The following CTNNA3 variants were observed in gnomAD, a reference collection of about 807,000 sequenced individuals.
CTNNA3 encodes catenin alpha 3, also known as catenin alpha-3.
CTNNA3 carries 76 observed loss-of-function variants against 95.7 expected under a neutral mutation model. That is an observed-to-expected ratio of 0.79 (90% CI 0.66 to 0.96). The LOEUF is 0.96. Ranked by LOEUF, CTNNA3 falls within the 40% of genes least tolerant of loss-of-function variation. The pLI is 0.00. For synonymous variants in CTNNA3, 431 were observed against 374.4 expected (o/e 1.15, Z -1.74); for missense variants, 1,191 against 1,089.8 (o/e 1.09, Z -1.31).
At chr10:66,080,942 G>T (rs933794275) in intron 14 of CTNNA3, among the ~76,000 whole-genome samples, 1 of 152,160 alleles carries the variant, frequency 6.6e-6, no homozygotes, top group Non-Finnish European at 1.5e-5. Flanking sequence ...ATTATATTTT[G>T]TTAAATTGGC....
intron 7 of CTNNA3, among the ~76,000 whole-genome samples, chr10:67,146,119 A>G (rs1860831197): frequency 6.6e-6 from 1 of 152,146 alleles, no homozygotes; most frequent in Admixed American, 6.6e-5. Flanking sequence ...CACACTCATC[A>G]GATACTTTCT....
intron 11 of CTNNA3, among the ~76,000 whole-genome samples, chr10:66,408,312 A>T (rs2132585815): frequency 6.6e-6 from 1 of 152,194 alleles, no homozygotes; most frequent in East Asian, 1.9e-4. Context: ...TACAATTCTT[A>T]TTTTCCAAAT....
At chr10:67,509,733 T>C (rs974667941) in intron 5 of CTNNA3, among the ~76,000 whole-genome samples, 2 of 152,226 alleles carry the variant, frequency 1.3e-5, no homozygotes, top group Admixed American at 6.5e-5. Flanking sequence ...GATCAAATGG[T>C]ATTTCTGCTT....
chr10:67,344,033 A>G (rs894645204), intron 5 of CTNNA3, among the ~76,000 whole-genome samples: 1 of 151,024 alleles, frequency 6.6e-6, no homozygotes, highest in Non-Finnish European at 1.5e-5. Flanking sequence ...TAGGGTTTTT[A>G]TCATGAAAGG....
chr10:65,993,192 T>C (rs945371661), intron 15 of CTNNA3, among the ~76,000 whole-genome samples: 4 of 152,202 alleles, frequency 2.6e-5, no homozygotes, highest in Admixed American at 6.5e-5. Context: ...GTCTATGTGG[T>C]TATGGGAAAA....
chr10:67,055,948 G>A (rs950915554), intron 7 of CTNNA3, among the ~76,000 whole-genome samples: 4 of 152,056 alleles, frequency 2.6e-5, no homozygotes, highest in Non-Finnish European at 5.9e-5. Context: ...TATTTACACT[G>A]ATGATAATGT....
At chr10:67,601,294 G>T (rs1843075991) in intron 3 of CTNNA3, among the ~76,000 whole-genome samples, 1 of 152,116 alleles carries the variant, frequency 6.6e-6, no homozygotes, top group East Asian at 1.9e-4. Context: ...GGGGGGAATG[G>T]GGATGGTTTC....
intron 3 of CTNNA3, among the ~76,000 whole-genome samples, chr10:67,598,431 A>G (rs1041720494): frequency 2.6e-5 from 4 of 152,006 alleles, no homozygotes; most frequent in African/African-American, 9.6e-5. Context: ...AGGGTTCCCA[A>G]CTTCCTCCCC....
intron 9 of CTNNA3, among the ~76,000 whole-genome samples, chr10:66,760,206 T>C (rs576013577): frequency 2.3e-4 from 35 of 152,314 alleles, no homozygotes; most frequent in Non-Finnish European, 3.7e-4. Flanking sequence ...TACTGAAATA[T>C]GACTTCCCTT....
intron 6 of CTNNA3, among the ~76,000 whole-genome samples, chr10:67,198,104 T>G (rs1215070022): frequency 6.6e-6 from 1 of 151,654 alleles, no homozygotes; most frequent in African/African-American, 2.4e-5. Context: ...TTAATTATGA[T>G]TAATTTAATT....
chr10:67,702,596 A>T (rs980721193), intron 1 of CTNNA3, among the ~76,000 whole-genome samples: 1 of 152,248 alleles, frequency 6.6e-6, no homozygotes, highest in Non-Finnish European at 1.5e-5. Flanking sequence ...AAGACACAAC[A>T]TGCCAGAATC....
chr10:67,346,625 A>T, intron 5 of CTNNA3: 3 of 459,506 alleles, frequency 6.5e-6, no homozygotes, highest in Non-Finnish European at 4.4e-6. Flanking sequence ...ACAAGTAGAA[A>T]ATATGGAGAG....
At chr10:67,638,341 G>GGC (rs1564800489) in intron 2 of CTNNA3, among the ~76,000 whole-genome samples, 1 of 152,122 alleles carries the variant, frequency 6.6e-6, no homozygotes, top group Admixed American at 6.6e-5. Context: ...CAATACAGGA[G>GGC]CACCCAGATT....
At chr10:66,713,615 C>CCA (rs1286056155) in intron 9 of CTNNA3, among the ~76,000 whole-genome samples, 4 of 152,080 alleles carry the variant, frequency 2.6e-5, no homozygotes, top group African/African-American at 9.7e-5. Flanking sequence ...CTGGCATCTT[C>CCA]CAGGTCCACC....
At chr10:67,437,172 C>T (rs756249250) in intron 5 of CTNNA3, among the ~76,000 whole-genome samples, 11 of 152,074 alleles carry the variant, frequency 7.2e-5, no homozygotes, top group South Asian at 2.1e-4. Context: ...GCATTTGCAG[C>T]GACCTGGATG....
At chr10:67,213,455 C>A (rs1864224722) in intron 6 of CTNNA3, among the ~76,000 whole-genome samples, 1 of 151,486 alleles carries the variant, frequency 6.6e-6, no homozygotes, top group Non-Finnish European at 1.5e-5. Flanking sequence ...TAATTAATTT[C>A]TATTCTTATC....
intron 7 of CTNNA3, among the ~76,000 whole-genome samples, chr10:67,052,337 TCTCTCTCTCTC>T (rs1855156805): frequency 7.3e-5 from 11 of 151,630 alleles, no homozygotes; most frequent in South Asian, 4.2e-4. Context: ...TCTCTCTCTC[TCTCTCTCTCTC>T]TCTCTCATTA....
chr10:66,552,541 A>G (rs1842251998), intron 10 of CTNNA3, among the ~76,000 whole-genome samples: 1 of 152,144 alleles, frequency 6.6e-6, no homozygotes, highest in South Asian at 2.1e-4. Flanking sequence ...TTTTGTCAGC[A>G]TATTCAGTTC....
At chr10:67,739,226 A>G (rs1319111494) in intron 1 of CTNNA3, among the ~76,000 whole-genome samples, 1 of 152,234 alleles carries the variant, frequency 6.6e-6, no homozygotes, top group African/African-American at 2.4e-5. Context: ...GAAGCCCATC[A>G]GACTAACAGC....
Sources: allele counts gnomAD v4.1 joint callset (sites outside exome capture counted in the v4.1 genomes callset), GRCh38; gene constraint gnomAD v4.1.1; transcripts MANE v1.5; gene names NCBI Gene and HGNC (gene_info 2026-07-23, HGNC 2026-07-21).